Variants in PCLO observed in about 807,000 individuals in gnomAD.
The protein encoded by PCLO is piccolo presynaptic cytomatrix protein.
PCLO carries 82 observed loss-of-function variants against 427.5 expected under a neutral mutation model. That is an observed-to-expected ratio of 0.19 (90% CI 0.16 to 0.23). PCLO has a LOEUF of 0.23. PCLO is among the 10% of genes least tolerant of loss of function. PCLO has a pLI of 1.00. For synonymous variants in PCLO, 2,357 were observed against 2,155.4 expected (o/e 1.09, Z -2.59); for missense variants, 6,239 against 6,115.9 (o/e 1.02, Z -0.67).
At chr7:83,004,559 CCATAAAAAT>C (rs1164662644) in intron 3 of PCLO, among the ~76,000 whole-genome samples, 1 of 151,436 alleles carries the variant, frequency 6.6e-6, no homozygotes, top group East Asian at 1.9e-4. Context: ...ACCATAAAAA[CCATAAAAAT>C]CCTGCAAGAA....
At chr7:82,842,552 A>C (rs1562813078) in intron 13 of PCLO, among the ~76,000 whole-genome samples, 1 of 152,138 alleles carries the variant, frequency 6.6e-6, no homozygotes, top group Non-Finnish European at 1.5e-5. Flanking sequence ...GAAGTACAAC[A>C]AACTAAAAGT....
chr7:82,814,322 T>C (rs1442511001), intron 20 of PCLO, among the ~76,000 whole-genome samples: 1 of 151,656 alleles, frequency 6.6e-6, no homozygotes. Context: ...AAGAGATATA[T>C]AAGATACAGA....
chr7:82,935,522 A>T (rs1794931923), intron 6 of PCLO, among the ~76,000 whole-genome samples: 1 of 151,512 alleles, frequency 6.6e-6, no homozygotes, highest in African/African-American at 2.4e-5. Context: ...GCAACAAAAA[A>T]CCTCTACAAA....
intron 3 of PCLO, among the ~76,000 whole-genome samples, chr7:83,089,864 AG>A (rs1790335011): frequency 6.6e-6 from 1 of 152,196 alleles, no homozygotes; most frequent in Admixed American, 6.5e-5. Flanking sequence ...CCAAGATTAC[AG>A]AGTAAGGAGA....
At chr7:82,976,683 AT>A (rs1029925898) in intron 3 of PCLO, among the ~76,000 whole-genome samples, 16 of 152,144 alleles carry the variant, frequency 1.1e-4, no homozygotes, top group African/African-American at 3.6e-4. Flanking sequence ...TCAGTGTAAC[AT>A]GCATAAATAG....
At chr7:82,918,113 A>C (rs1273323444) in intron 6 of PCLO, among the ~76,000 whole-genome samples, 2 of 152,120 alleles carry the variant, frequency 1.3e-5, no homozygotes, top group Middle Eastern at 3.4e-3. Context: ...GAAATGAATA[A>C]ATGTTATGAA....
chr7:82,988,185 TTC>T (rs1383292472), intron 3 of PCLO, among the ~76,000 whole-genome samples: 1 of 152,096 alleles, frequency 6.6e-6, no homozygotes, highest in African/African-American at 2.4e-5. Flanking sequence ...CAGCTAATTT[TTC>T]TTTCTTTTTT....
intron 9 of PCLO, among the ~76,000 whole-genome samples, chr7:82,901,589 C>A (rs1230542079): frequency 1.3e-5 from 2 of 152,040 alleles, no homozygotes; most frequent in Non-Finnish European, 2.9e-5. Flanking sequence ...TCTAATTAAA[C>A]TAAAGAGCCT....
At position 82,845,312 on chromosome 7, in the gene PCLO, C is replaced by T. The variant is rs1246794977; in HGVS notation, c.14005G>A (p.Gly4669Arg). Residue 4669 changes from glycine to arginine, a missense_variant, in exon 13 of 25, where the codon GGG (glycine) becomes AGG (arginine). Gly to Arg is a moderately radical substitution (Grantham distance 125). Transcript: ENST00000333891. ...TTCTTTTTGCTCACTGAGGGGGACC[C>T]TGGTTGCCCAGGGCTGGGAACGGAA... is the stretch of plus-strand genomic sequence containing the variant. ...SSSVPSPGQP[G>R]SPSVSKKKHG... 1.2e-6 allele frequency: 2 copies of T among 1,613,394 alleles called. No homozygotes were observed. Among genetic ancestry groups the T allele is most frequent in the Admixed American group, 3.3e-5 (2 of 59,920 alleles).
chr7:83,146,560 A>T (rs1125820), intron 2 of PCLO, among the ~76,000 whole-genome samples: 50,103 of 151,548 alleles, frequency 0.33, 9,004 homozygotes, highest in East Asian at 0.62. Context: ...GAGCAAGTTA[A>T]CCCTTTACTA....
intron 10 of PCLO, among the ~76,000 whole-genome samples, chr7:82,867,592 C>T (rs1793128198): frequency 6.6e-6 from 1 of 152,108 alleles, no homozygotes; most frequent in African/African-American, 2.4e-5. Flanking sequence ...AAAGTGCAGT[C>T]TATTCCAAGA....
chr7:82,939,867 T>A (rs1795040370), intron 6 of PCLO, among the ~76,000 whole-genome samples: 1 of 151,826 alleles, frequency 6.6e-6, no homozygotes, highest in Admixed American at 6.6e-5. Context: ...AACATGGCCT[T>A]TATTTCATAC....
At chr7:82,823,969 T>C (rs961065434) in intron 19 of PCLO, among the ~76,000 whole-genome samples, 4 of 152,102 alleles carry the variant, frequency 2.6e-5, no homozygotes, top group African/African-American at 9.7e-5. Flanking sequence ...GATTTTGAGG[T>C]GGAATAGACC....
At chr7:82,868,372 AACC>A (rs1304233098) in intron 10 of PCLO, among the ~76,000 whole-genome samples, 1 of 152,104 alleles carries the variant, frequency 6.6e-6, no homozygotes, top group East Asian at 1.9e-4. Flanking sequence ...CTAAAATCAA[AACC>A]ACCACTCCAA....
rs948824083 is a variant in PCLO at position 82,952,848 on chromosome 7, G to A, written c.8105C>T (p.Pro2702Leu). Residue 2702 changes from proline (P) to leucine (L), a missense_variant, in exon 5 of 25, where the codon CCT becomes CTT. This residue lies in a region of PCLO where 4,677 missense variants were observed against 4,468.4 expected (regional missense o/e 1.05). Coordinates refer to ENST00000333891, the MANE Select transcript of PCLO (RefSeq NM_033026.6). ...SSISITIPPE[P>L]LALDNIHLEK... ...TAAATGTATGTTATCTAGAGCAAGA[G>A]GCTCTGGAGGAATTGTTATGGAAAT... 2 of 1,613,520 alleles carry A rather than the reference G, an allele frequency of 1.2e-6. No individual in the cohort carries two copies. Among genetic ancestry groups the A allele is most frequent in the Non-Finnish European group, 1.7e-6 (2 of 1,179,518 alleles).
At chr7:82,781,895 T>C (rs1356847745) in intron 22 of PCLO, among the ~76,000 whole-genome samples, 1 of 152,206 alleles carries the variant, frequency 6.6e-6, no homozygotes, top group Admixed American at 6.5e-5. Flanking sequence ...GAGGGTGGCA[T>C]GCCCAGGGTG....
At chr7:82,959,831 C>T (rs1795615373) in intron 4 of PCLO, among the ~76,000 whole-genome samples, 1 of 152,056 alleles carries the variant, frequency 6.6e-6, no homozygotes, top group Non-Finnish European at 1.5e-5. Flanking sequence ...TATAAGGTGG[C>T]AAGTTGGCAA....
intron 3 of PCLO, among the ~76,000 whole-genome samples, chr7:83,096,156 T>C (rs1379076547): frequency 6.6e-6 from 1 of 152,118 alleles, no homozygotes; most frequent in Non-Finnish European, 1.5e-5. Context: ...CTTCATAAGT[T>C]TTAGAGTGTT....
At chr7:82,809,259 A>G (rs1192335672) in intron 20 of PCLO, among the ~76,000 whole-genome samples, 2 of 151,784 alleles carry the variant, frequency 1.3e-5, no homozygotes, top group South Asian at 2.1e-4. Flanking sequence ...CTTTCCAAAT[A>G]TATCTCTTGT....
Sources: gnomAD v4.1 joint callset for allele counts (sites outside exome capture counted in the v4.1 genomes callset) on GRCh38, gnomAD v4.1.1 for gene constraint, gnomAD v4.1.1 regional missense constraint, MANE v1.5 for transcripts, NCBI Gene and HGNC (gene_info 2026-07-23, HGNC 2026-07-21) for gene names.